PTPRT: variants seen among roughly 807,000 people sequenced by gnomAD.
PTPRT encodes receptor-type tyrosine-protein phosphatase T.
In PTPRT, 56 loss-of-function variants were observed where a neutral mutation model predicts 176.8. The ratio of observed to expected loss-of-function variants is 0.32; its 90% CI spans 0.26 to 0.40. The LOEUF (loss-of-function observed/expected upper bound fraction) is 0.40. Among genes scored for constraint, PTPRT ranks in the 10% least tolerant of loss-of-function variants. The pLI, the probability that PTPRT is intolerant of heterozygous loss-of-function variation, is 1.00. For missense variants in PTPRT, 1,540 were observed against 1,908.2 expected (o/e 0.81, Z 3.60); for synonymous variants, 783 against 739.0 (o/e 1.06, Z -0.96).
intron 1 of PTPRT, among the ~76,000 whole-genome samples, chr20:43,058,797 C>A (rs532491087): frequency 2.8e-4 from 43 of 151,714 alleles, no homozygotes; most frequent in Non-Finnish European, 5.6e-4. Flanking sequence ...ATGCAATACA[C>A]CAAGACTAAG....
At chr20:43,085,675 T>C (rs953495424) in intron 1 of PTPRT, among the ~76,000 whole-genome samples, 8 of 152,176 alleles carry the variant, frequency 5.3e-5, no homozygotes, top group Admixed American at 6.5e-5. Flanking sequence ...TCAGTTCTCA[T>C]GAGACTTATC....
At chr20:42,060,092 T>C in the PTPRT span, among the ~76,000 whole-genome samples, 1,782 of 152,270 alleles carry the variant, frequency 0.012, 21 homozygotes, top group Middle Eastern at 0.02. Flanking sequence ...CCTGATGAGA[T>C]AGAAGTTATT....
chr20:43,184,786 T>C (rs1181002462), intron 1 of PTPRT, among the ~76,000 whole-genome samples: 1 of 152,198 alleles, frequency 6.6e-6, no homozygotes, highest in Non-Finnish European at 1.5e-5. Context: ...CATGGTTGAC[T>C]TCTGTTACGT....
intron 12 of PTPRT, among the ~76,000 whole-genome samples, chr20:42,303,841 G>T (rs1008856800): frequency 6.6e-5 from 10 of 152,114 alleles, no homozygotes; most frequent in Non-Finnish European, 2.9e-5. Flanking sequence ...CTTGGTGATG[G>T]CTGAATATAG....
chr20:42,461,629 G>A (rs1343327540), intron 8 of PTPRT, among the ~76,000 whole-genome samples: 1 of 152,210 alleles, frequency 6.6e-6, no homozygotes, highest in African/African-American at 2.4e-5. Context: ...GTTTTAAGGA[G>A]GATTTAACAA....
At chr20:42,220,780 G>C (rs958961456) in intron 15 of PTPRT, among the ~76,000 whole-genome samples, 2 of 152,020 alleles carry the variant, frequency 1.3e-5, no homozygotes, top group Non-Finnish European at 2.9e-5. Flanking sequence ...AACGTTAAGA[G>C]ACAAAAATTT....
chr20:42,474,644 G>C (rs1364330767), intron 7 of PTPRT, among the ~76,000 whole-genome samples: 1 of 152,176 alleles, frequency 6.6e-6, no homozygotes, highest in East Asian at 1.9e-4. Context: ...GGTGAAATGT[G>C]GTCCCTGTAG....
intron 1 of PTPRT, among the ~76,000 whole-genome samples, chr20:43,039,944 G>A (rs1986537485): frequency 6.6e-6 from 1 of 152,100 alleles, no homozygotes; most frequent in South Asian, 2.1e-4. Context: ...AGGAGGCTGA[G>A]GCAGGAGAAT....
intron 7 of PTPRT, among the ~76,000 whole-genome samples, chr20:42,537,478 T>A (rs1237692862): frequency 6.6e-6 from 1 of 152,236 alleles, no homozygotes; most frequent in African/African-American, 2.4e-5. Flanking sequence ...TACTTTCATA[T>A]GACATCTTTC....
At chr20:42,979,868 C>T (rs964397650) in intron 1 of PTPRT, among the ~76,000 whole-genome samples, 1 of 151,642 alleles carries the variant, frequency 6.6e-6, no homozygotes, top group African/African-American at 2.4e-5. Context: ...GAACGTCTAT[C>T]CTGTGTCCAG....
chr20:42,629,473 T>G (rs1486717297), intron 7 of PTPRT, among the ~76,000 whole-genome samples: 1 of 152,160 alleles, frequency 6.6e-6, no homozygotes, highest in Non-Finnish European at 1.5e-5. Context: ...TGTGGCTAAA[T>G]GGAAATGGAA....
intron 1 of PTPRT, among the ~76,000 whole-genome samples, chr20:42,986,328 T>A (rs1192961874): frequency 2.6e-5 from 4 of 152,304 alleles, no homozygotes; most frequent in Admixed American, 2.6e-4. Flanking sequence ...ACTGAGGTGT[T>A]CCCAGTGTCT....
intron 21 of PTPRT, among the ~76,000 whole-genome samples, chr20:42,117,641 T>G (rs1987354799): frequency 1.3e-5 from 2 of 152,112 alleles, no homozygotes; most frequent in Admixed American, 6.5e-5. Context: ...AGACTGGATT[T>G]GTCGACATGA....
chr20:43,112,978 C>T (rs539884561), intron 1 of PTPRT, among the ~76,000 whole-genome samples: 38 of 152,026 alleles, frequency 2.5e-4, no homozygotes, highest in African/African-American at 9.2e-4. Context: ...ATGATATAAA[C>T]GTGTCTCCTG....
At chr20:42,061,137 T>TA in the PTPRT span, among the ~76,000 whole-genome samples, 1 of 152,192 alleles carries the variant, frequency 6.6e-6, no homozygotes, top group Non-Finnish European at 1.5e-5. Flanking sequence ...TCTCAGTGGC[T>TA]TCATCTATAA....
intron 16 of PTPRT, among the ~76,000 whole-genome samples, chr20:42,177,626 T>C (rs1057416218): frequency 6.6e-6 from 1 of 152,214 alleles, no homozygotes. Context: ...ACAAGAGTCA[T>C]TCAAAGAACA....
chr20:42,529,648 G>A (rs183195148), intron 7 of PTPRT, among the ~76,000 whole-genome samples: 15 of 151,852 alleles, frequency 9.9e-5, no homozygotes, highest in East Asian at 3.9e-4. Context: ...CACCATGCCC[G>A]GCTAATTTTT....
At chr20:42,775,943 G>A (rs748158722) in intron 4 of PTPRT, among the ~76,000 whole-genome samples, 2 of 152,172 alleles carry the variant, frequency 1.3e-5, no homozygotes, top group Non-Finnish European at 2.9e-5. Flanking sequence ...TAAGACTGGA[G>A]GCTGGGGAAA....
At chr20:42,206,599 A>G (rs1233844237) in intron 15 of PTPRT, among the ~76,000 whole-genome samples, 2 of 152,222 alleles carry the variant, frequency 1.3e-5, no homozygotes, top group Non-Finnish European at 2.9e-5. Flanking sequence ...GCGAACCACG[A>G]GATTATATCC....
Sources: gnomAD v4.1 joint callset for allele counts (sites outside exome capture counted in the v4.1 genomes callset) on GRCh38, gnomAD v4.1.1 for gene constraint, MANE v1.5 for transcripts, NCBI Gene and HGNC (gene_info 2026-07-23, HGNC 2026-07-21) for gene names.